The following CMYA5 variants were observed in gnomAD, a reference collection of about 807,000 sequenced individuals.
CMYA5 encodes the protein cardiomyopathy-associated protein 5.
A neutral mutation model predicts 318.9 loss-of-function variants in CMYA5; 246 were observed. That is an observed-to-expected ratio of 0.77 (90% CI 0.70 to 0.86). CMYA5 has a LOEUF of 0.86. Among genes scored for constraint, CMYA5 ranks in the 40% least tolerant of loss-of-function variants. CMYA5 has a pLI of 0.00. For synonymous variants in CMYA5, 1,641 were observed against 1,729.5 expected, an observed-to-expected ratio of 0.95 and a Z score of 1.27; for missense variants, 4,589 against 4,678.2, an observed-to-expected ratio of 0.98 and a Z score of 0.56.
intron 9 of CMYA5, among the ~76,000 whole-genome samples, chr5:79,767,723 T>C (rs1828780836): frequency 6.6e-6 from 1 of 152,186 alleles, no homozygotes; most frequent in Non-Finnish European, 1.5e-5. Context: ...TTACTTCCAA[T>C]TATGTGGTCA....
chr5:79,725,672 G>A (rs1827733350), intron 1 of CMYA5, among the ~76,000 whole-genome samples: 1 of 152,242 alleles, frequency 6.6e-6, no homozygotes, highest in Non-Finnish European at 1.5e-5. Flanking sequence ...GAAGGCCGAG[G>A]TGGGCAGATC....
intron 1 of CMYA5, 92 bp downstream of exon 1, chr5:79,690,148 G>T: frequency 1.5e-6 from 2 of 1,362,126 alleles, no homozygotes; most frequent in South Asian, 3.4e-5. Flanking sequence ...TCTGGGGTTC[G>T]TTTGCCTCGA....
chr5:79,710,776 G>A (rs1827373877), intron 1 of CMYA5, among the ~76,000 whole-genome samples: 2 of 152,168 alleles, frequency 1.3e-5, no homozygotes, highest in South Asian at 4.1e-4. Flanking sequence ...GGGGCAAAAT[G>A]TATTAACAAG....
chr5:79,757,745 T>C (rs1828558522), intron 6 of CMYA5, among the ~76,000 whole-genome samples: 1 of 152,248 alleles, frequency 6.6e-6, no homozygotes, highest in Non-Finnish European at 1.5e-5. Flanking sequence ...TTTTGAAGGA[T>C]AAGCAAGTCA....
At chr5:79,775,932 T>A (rs957732057) in intron 9 of CMYA5, among the ~76,000 whole-genome samples, 1 of 152,190 alleles carries the variant, frequency 6.6e-6, no homozygotes, top group East Asian at 1.9e-4. Flanking sequence ...ATATAAATGA[T>A]ACCATTCAGC....
intron 9 of CMYA5, among the ~76,000 whole-genome samples, chr5:79,784,841 C>T (rs961139843): frequency 4.6e-5 from 7 of 151,018 alleles, no homozygotes; most frequent in Admixed American, 6.6e-5. Context: ...GAGATGAACC[C>T]GGTACCTCAG....
Position 79,689,959 on chromosome 5 carries a change from G to C in CMYA5, c.52G>C (p.Gly18Arg), listed in dbSNP as rs1405200693. The C allele has an allele frequency of 1.7e-6, 2 of 1,158,196 alleles. No homozygotes were observed. Among genetic ancestry groups the C allele is most frequent in the Non-Finnish European group, 1.3e-6 (1 of 794,840 alleles). The allele number at this position is 1,158,196 out of a possible 1,614,324, so 71.7% of individuals were successfully genotyped here. A position where few individuals can be genotyped will look rare whatever the true frequency, so the allele number is the denominator to read the frequency against. The change falls in exon 1 of 13, where the codon GGG becomes CGG. Residue 18 changes from glycine to arginine, a missense_variant. Coordinates refer to ENST00000446378, the MANE Select transcript of CMYA5 (RefSeq NM_153610.5). ...HAGESFLGSD[G>R]DEEATRELET... is the part of the protein sequence containing the mutation. ...TGGCGAGAGCTTTCTCGGCTCCGAC[G>C]GGGACGAGGAGGCGACCCGGGAGCT...
intron 9 of CMYA5, among the ~76,000 whole-genome samples, chr5:79,768,700 G>A (rs560488586): frequency 2.6e-5 from 4 of 152,272 alleles, no homozygotes; most frequent in South Asian, 2.1e-4. Flanking sequence ...TGGGCAACCC[G>A]AGCTTTCTCT....
At chr5:79,693,204 G>T (rs1416120074) in intron 1 of CMYA5, among the ~76,000 whole-genome samples, 1 of 152,152 alleles carries the variant, frequency 6.6e-6, no homozygotes. Flanking sequence ...CTTCATGGGA[G>T]AACTTTTGTG....
rs765859070 is a variant in CMYA5, at chr5:79,733,768, T to C, written c.5003T>C (p.Val1668Ala). 5 of 1,613,248 alleles carry C rather than the reference T, an allele frequency of 3.1e-6. No individual in the cohort carries two copies. The Admixed American group carries it at 8.4e-5, about 27-fold the overall frequency. The change falls in exon 2 of 13, where the codon GTT becomes GCT. Residue 1668 changes from valine (V) to alanine (A), a missense_variant. Val to Ala is a moderately conservative substitution (Grantham distance 64, BLOSUM62 0). Coordinates refer to ENST00000446378, the MANE Select transcript of CMYA5 (RefSeq NM_153610.5). ...CCCATAACTGAAACAGAGGATTCTG[T>C]TTTAGAAAAAGGCCCAGCTGAGCTT... is the stretch of plus-strand genomic sequence containing the variant. ...KSPITETEDS[V>A]LEKGPAELRS...
chr5:79,717,201 G>A (rs1272658797), intron 1 of CMYA5, among the ~76,000 whole-genome samples: 1 of 152,152 alleles, frequency 6.6e-6, no homozygotes, highest in Non-Finnish European at 1.5e-5. Context: ...GCTGTAACAT[G>A]ATTTAATTAA....
chr5:79,777,042 T>C (rs1165177009), intron 9 of CMYA5, among the ~76,000 whole-genome samples: 1 of 152,198 alleles, frequency 6.6e-6, no homozygotes, highest in Non-Finnish European at 1.5e-5. Context: ...CCCATACAAA[T>C]TGCTGAATTA....
intron 7 of CMYA5, 128 bp from the exon 8 acceptor site, chr5:79,761,683 A>C: frequency 1.1e-6 from 1 of 931,404 alleles, no homozygotes; most frequent in East Asian, 2.7e-5. Flanking sequence ...GTTTTCACAT[A>C]ATGGTATCTG....
At chr5:79,713,661 G>A (rs1827455859) in intron 1 of CMYA5, among the ~76,000 whole-genome samples, 1 of 151,054 alleles carries the variant, frequency 6.6e-6, no homozygotes, top group South Asian at 2.1e-4. Context: ...AATTGATTGT[G>A]CATGCTAAAG....
At chr5:79,690,181 G>A (rs1826936716) in intron 1 of CMYA5, 125 bp downstream of exon 1, 3 of 1,305,778 alleles carry the variant, frequency 2.3e-6, no homozygotes, top group South Asian at 1.9e-5. Flanking sequence ...CTCTCTGGGT[G>A]CACTGTCGTT....
intron 7 of CMYA5, among the ~76,000 whole-genome samples, chr5:79,761,123 T>C (rs1828642513): frequency 6.6e-6 from 1 of 152,184 alleles, no homozygotes; most frequent in Non-Finnish European, 1.5e-5. Context: ...CCCAAATTGG[T>C]AGGTTTGTTC....
At chr5:79,768,463 C>G (rs1828795232) in intron 9 of CMYA5, among the ~76,000 whole-genome samples, 1 of 152,126 alleles carries the variant, frequency 6.6e-6, no homozygotes. Flanking sequence ...ATATTTAGTG[C>G]TTCCTTCAGG....
At chr5:79,785,740 C>T (rs1326650575) in intron 9 of CMYA5, among the ~76,000 whole-genome samples, 1 of 152,126 alleles carries the variant, frequency 6.6e-6, no homozygotes, top group Non-Finnish European at 1.5e-5. Flanking sequence ...TCCTCCCTCC[C>T]AGTGTTTTTA....
chr5:79,793,707 AT>A, intron 12 of CMYA5, 97 bp downstream of exon 12: 1 of 1,075,608 alleles, frequency 9.3e-7, no homozygotes, highest in South Asian at 1.7e-5. Flanking sequence ...ACCCACTTCC[AT>A]GCTCAACTTC....
Sources: gnomAD v4.1 joint callset for allele counts (sites outside exome capture counted in the v4.1 genomes callset) on GRCh38, gnomAD v4.1.1 for gene constraint, MANE v1.5 for transcripts, NCBI Gene and HGNC (gene_info 2026-07-23, HGNC 2026-07-21) for gene names.